The following HMCN2 variants were observed in gnomAD, a reference collection of about 807,000 sequenced individuals.
HMCN2 encodes the protein hemicentin 2.
A neutral mutation model predicts 377.5 loss-of-function variants in HMCN2; 325 were observed. The observed-to-expected ratio is 0.86, with a 90% CI of 0.79 to 0.94. The LOEUF is 0.94. HMCN2 is among the 40% of genes least tolerant of loss of function. HMCN2 has a pLI of 0.00. For missense variants in HMCN2, 4,543 were observed against 4,725.3 expected, an observed-to-expected ratio of 0.96 and a Z score of 1.13; for synonymous variants, 2,007 against 2,046.8, an observed-to-expected ratio of 0.98 and a Z score of 0.53.
chr9:130,348,888 A>C, intron 27 of HMCN2, 96 bp from the exon 28 acceptor site: 1 of 1,227,382 alleles, frequency 8.1e-7, no homozygotes. Context: ...CGTTCTGGCC[A>C]CTGGCCACCT....
Position 130,371,040 on chromosome 9 carries a change from C to T in HMCN2, c.7146C>T (p.Leu2382=). The T allele has an allele frequency of 1.0e-6, 1 of 985,950 alleles. No individual in the cohort carries two copies. Among genetic ancestry groups the T allele is most frequent in the Non-Finnish European group, 1.2e-6 (1 of 830,006 alleles). 61.1% of individuals were successfully genotyped at this position (985,950 alleles called of 1,614,324 possible). Residue 2382 remains leucine, a synonymous_variant, in exon 46 of 98, where the codon CTC becomes CTT. Transcript: ENST00000683500. ...TAALHSPLTL[L]CEAMGIPPPA... ...CCTTGCACAGCCCCTTAACTCTGCT[C>T]TGTGAAGCCATGGGGATCCCACCTC...
rs958325470 is a variant in HMCN2, at chr9:130,382,711, C to T, written c.8578C>T (p.Leu2860=). The T allele has an allele frequency of 3.0e-6, 3 of 985,614 alleles. No homozygotes were observed. The highest frequency in any genetic ancestry group is 3.6e-6 in the Non-Finnish European group (3 of 829,908). 61.1% of individuals were successfully genotyped at this position (985,614 alleles called of 1,614,324 possible). Residue 2860 remains leucine, a synonymous_variant, in exon 56 of 98, where the codon CTG becomes TTG. Coordinates refer to ENST00000683500, the MANE Select transcript of HMCN2 (RefSeq NM_001291815.2). ...PPVILGDTEE[L]VEEVTVNASS... is the part of the protein sequence containing the mutation. ...TGTGATCCTGGGTGACACAGAGGAG[C>T]TGGTGGAAGAGGTGACAGTCAATGC...
chr9:130,330,010 T>C (rs1838343313), intron 22 of HMCN2, among the ~76,000 whole-genome samples: 2 of 137,570 alleles, frequency 1.5e-5, no homozygotes, highest in Admixed American at 7.4e-5. Context: ...CTCTCCTGTC[T>C]CCCTCTTCCC....
At chr9:130,283,049 C>T (rs1256682561) in intron 1 of HMCN2, among the ~76,000 whole-genome samples, 4 of 151,934 alleles carry the variant, frequency 2.6e-5, no homozygotes, top group Non-Finnish European at 4.4e-5. Flanking sequence ...GCAGCCTGGG[C>T]GACAGAGCGA....
intron 23 of HMCN2, among the ~76,000 whole-genome samples, chr9:130,339,848 C>T (rs1227669300): frequency 5.3e-5 from 8 of 152,314 alleles, no homozygotes. Flanking sequence ...TCAGAAGCTG[C>T]GTAGGGGGTG....
In HMCN2 at chr9:130,306,919, G is replaced by A. The variant is rs1331307419; in HGVS notation, c.2067G>A (p.Thr689=). The A allele has an allele frequency of 1.7e-5, 8 of 470,306 alleles. No individual in the cohort carries two copies. The highest frequency in any genetic ancestry group is 6.0e-5 in the African/African-American group (3 of 50,012). The allele number at this position is 470,306 out of a possible 1,614,324, so 29.1% of individuals were successfully genotyped here. A position where few individuals can be genotyped will look rare whatever the true frequency, so the allele number is the denominator to read the frequency against. ...ATNEVGTDQE[T]VTLYYTDPPS... The stretch of plus-strand genomic sequence containing the variant: ...ATGAGGTTGGCACTGACCAGGAGAC[G>A]GTCACCCTCTACTACACAGGTACCC... Residue 689 remains threonine (T), a synonymous_variant, in exon 13 of 98, where the codon ACG becomes ACA. Transcript: ENST00000683500.
At chr9:130,420,039 A>G (rs1843907858) in intron 86 of HMCN2, among the ~76,000 whole-genome samples, 1 of 141,440 alleles carries the variant, frequency 7.1e-6, no homozygotes, top group Non-Finnish European at 1.5e-5. Flanking sequence ...GCAGACCCCC[A>G]TGTATTTCAG....
intron 43 of HMCN2, among the ~76,000 whole-genome samples, chr9:130,367,788 A>G (rs1382593697): frequency 1.3e-5 from 2 of 151,980 alleles, no homozygotes; most frequent in African/African-American, 4.8e-5. Flanking sequence ...TAAAAAATAC[A>G]AAAATTAGCA....
rs934012929 is a variant in HMCN2, at chr9:130,333,582, T to C, written c.3360-4312T>C. 3.3e-5 allele frequency among the ~76,000 whole-genome samples: 5 copies of C among 152,190 alleles called. No individual in the cohort carries two copies. In the South Asian group the frequency reaches 1.0e-3, roughly 32 times the overall value. ...GCGTGGAGCCATCTGGCCGTGCACG[T>C]CGCGATGAAGTCTGCCCCGCTCATC... On this transcript the variant is annotated intron_variant, in intron 22 of 97. Transcript: ENST00000683500.
chr9:130,335,755 T>G (rs1588261169), intron 22 of HMCN2, among the ~76,000 whole-genome samples: 1 of 151,938 alleles, frequency 6.6e-6, no homozygotes, highest in African/African-American at 2.4e-5. Flanking sequence ...AGAATGGTGG[T>G]TCTCACCAGG....
intron 95 of HMCN2, chr9:130,430,866 T>C (rs1475988767): frequency 1.2e-5 from 6 of 518,240 alleles, no homozygotes; most frequent in Non-Finnish European, 2.0e-5. Context: ...AGGGAGGGCA[T>C]CCTAGGCAAG....
chr9:130,332,398 TCTC>T (rs1421152898), intron 22 of HMCN2, among the ~76,000 whole-genome samples: 5 of 152,286 alleles, frequency 3.3e-5, no homozygotes, highest in East Asian at 3.9e-4. Flanking sequence ...GGCTCAGTCT[TCTC>T]CTCTGCAAAA....
chr9:130,401,505 T>C (rs1842853822), intron 77 of HMCN2, among the ~76,000 whole-genome samples: 1 of 152,098 alleles, frequency 6.6e-6, no homozygotes, highest in Non-Finnish European at 1.5e-5. Flanking sequence ...TGTATTTTTG[T>C]AGAGATGGGG....
At position 130,304,775 on chromosome 9, in the gene HMCN2, CA is replaced by C. The variant is rs1304107491; in HGVS notation, c.1590del (p.Glu532ArgfsTer10). The C allele has an allele frequency of 4.2e-6, 2 of 471,140 alleles. No individual in the cohort carries two copies. Among genetic ancestry groups the C allele is most frequent in the Admixed American group, 2.3e-5 (1 of 42,568 alleles). The allele number at this position is 471,140 out of a possible 1,614,324, so 29.2% of individuals were successfully genotyped here. A position where few individuals can be genotyped will look rare whatever the true frequency, so the allele number is the denominator to read the frequency against. The part of the protein sequence containing the change: ...LVPAPNVTVS[P>X]GETAVLSCRV... ...CCTGCTCCCAACGTGACCGTGTCCC[CA>C]GGGGAGACTGCCGTCCTATCCTGCC... On this transcript the variant is annotated frameshift_variant, in exon 11 of 98. Transcript: ENST00000683500. LOFTEE classifies it high-confidence loss of function. The surrounding 1 kb of genome is among the most constrained non-coding windows in gnomAD (Gnocchi z 4.3).
chr9:130,316,702 T>A (rs1588231672), intron 15 of HMCN2, among the ~76,000 whole-genome samples: 3 of 152,062 alleles, frequency 2.0e-5, no homozygotes, highest in Admixed American at 6.5e-5. Context: ...GCAGAAAGGG[T>A]CATTCCTGTG....
chr9:130,289,043 G>T (rs1835580721), intron 4 of HMCN2, among the ~76,000 whole-genome samples: 1 of 152,246 alleles, frequency 6.6e-6, no homozygotes, highest in African/African-American at 2.4e-5. Flanking sequence ...TCAACGCACT[G>T]TCACTAGCCC....
At chr9:130,279,597 C>A (rs2131258057) in intron 1 of HMCN2, among the ~76,000 whole-genome samples, 1 of 152,338 alleles carries the variant, frequency 6.6e-6, no homozygotes, top group African/African-American at 2.4e-5. Flanking sequence ...AATTCATCCG[C>A]CTGCCTGGGC....
chr9:130,337,754 C>CG (rs1472702500), intron 22 of HMCN2, 140 bp from the exon 23 acceptor site: 1 of 75,022 alleles, frequency 1.3e-5, no homozygotes, highest in Non-Finnish European at 3.0e-5. Context: ...AGGATGGAGG[C>CG]GGGGGTGGGG....
intron 11 of HMCN2, among the ~76,000 whole-genome samples, chr9:130,305,323 C>T (rs1312467675): frequency 1.3e-5 from 2 of 152,236 alleles, no homozygotes; most frequent in South Asian, 2.1e-4. Flanking sequence ...TGCACCCTGC[C>T]CAATAGGTAG....
Sources: allele counts gnomAD v4.1 joint callset (sites outside exome capture counted in the v4.1 genomes callset), GRCh38; gene constraint gnomAD v4.1.1; non-coding constraint Gnocchi (gnomAD v3.1); transcripts MANE v1.5; gene names NCBI Gene and HGNC (gene_info 2026-07-23, HGNC 2026-07-21).